NLRP9: variants seen among roughly 807,000 people sequenced by gnomAD.
NLRP9 encodes NLR family pyrin domain containing 9.
In NLRP9, 88 loss-of-function variants were observed where a neutral mutation model predicts 83.1. The observed-to-expected ratio is 1.06, with a 90% CI of 0.89 to 1.26. NLRP9 has a LOEUF of 1.26. Ranked by LOEUF, NLRP9 falls within the 50% of genes most tolerant of loss-of-function variation. The pLI is 0.00. For synonymous variants in NLRP9, 521 were observed against 447.6 expected (o/e 1.16, Z -2.07); for missense variants, 1,308 against 1,179.3 (o/e 1.11, Z -1.60).
In NLRP9 at chr19:55,708,696, ATTT is replaced by A. The variant is rs1987550339; in HGVS notation, c.*213_*215del. The A allele has an allele frequency of 2.6e-6, 1 of 389,658 alleles. No individual in the cohort carries two copies. Among genetic ancestry groups the A allele is most frequent in the African/African-American group, 2.1e-5 (1 of 48,656 alleles). The allele number at this position is 389,658 out of a possible 1,614,324, so 24.1% of individuals were successfully genotyped here. A position where few individuals can be genotyped will look rare whatever the true frequency, so the allele number is the denominator to read the frequency against. On this transcript the variant is annotated 3_prime_UTR_variant, in exon 9 of 9. Coordinates refer to ENST00000332836, the MANE Select transcript of NLRP9 (RefSeq NM_176820.4). ...TCTAAATATCACAAGGCAGGATGGG[ATTT>A]CTAAAGACAAGGGGATATAGGACCG...
At chr19:55,720,052 A>G (rs1338766584) in intron 4 of NLRP9, among the ~76,000 whole-genome samples, 4 of 150,564 alleles carry the variant, frequency 2.7e-5, no homozygotes, top group African/African-American at 1.0e-4. Context: ...TGTGTGGGGG[A>G]AAAAAATCTA....
rs1236540775 is a variant in NLRP9, at chr19:55,724,014, G to C, written c.2125C>G (p.Leu709Val). ...QSDIRHLCET[L>V]KHPMCKIEEL... is the part of the protein sequence containing the mutation. ...TCTATCTTGCACATTGGATGTTTCA[G>C]CGTCTCACACAGGTGTCTGATGTCA... Residue 709 changes from leucine to valine, a missense_variant, in exon 4 of 9, where the codon CTG (leucine) becomes GTG (valine). Leu to Val is a conservative substitution (Grantham distance 32). Coordinates refer to ENST00000332836, the MANE Select transcript of NLRP9 (RefSeq NM_176820.4). 6.2e-7 allele frequency: 1 copy of C among 1,614,030 alleles called. No individual in the cohort carries two copies. Among genetic ancestry groups the C allele is most frequent in the Admixed American group, 1.7e-5 (1 of 59,998 alleles).
chr19:55,732,437 T>A lies in NLRP9; in HGVS notation c.1394A>T (p.Asp465Val). 1 of 1,614,214 alleles carries A rather than the reference T, an allele frequency of 6.2e-7. No individual in the cohort carries two copies. Among genetic ancestry groups the A allele is most frequent in the East Asian group, 2.2e-5 (1 of 44,892 alleles). Residue 465 changes from aspartate to valine, a missense_variant, in exon 2 of 9, where the codon GAT becomes GTT. Asp to Val is a radical substitution (Grantham distance 152, BLOSUM62 -3). Coordinates refer to ENST00000332836, the MANE Select transcript of NLRP9 (RefSeq NM_176820.4). ...TATGCTTCCAATGGCCGGGTTAGGA[T>A]CGTCTTTGGGTCGTTTGAGCAAATA... is the stretch of plus-strand genomic sequence containing the variant. Reference protein sequence around the residue: ...MFYLLKRPKDDPNPAIGSITQ... With the variant: ...MFYLLKRPKDVPNPAIGSITQ...
At chr19:55,716,436 T>G (rs1350816023) in intron 5 of NLRP9, among the ~76,000 whole-genome samples, 3 of 151,824 alleles carry the variant, frequency 2.0e-5, no homozygotes, top group Non-Finnish European at 4.4e-5. Flanking sequence ...TTTTTGTATT[T>G]TTAGTACAGA....
chr19:55,724,059 C>CG lies in NLRP9; in HGVS notation c.2079dup (p.Gly694ArgfsTer3). 6.2e-7 allele frequency: 1 copy of CG among 1,613,624 alleles called. No homozygotes were observed. The highest frequency in any genetic ancestry group is 1.1e-5 in the South Asian group (1 of 91,066). ...ATGTCAGACTGGGAGAGGCTAGTGC[C>CG]GTACAGGCTCAGAAGTTTCAGATGA... On this transcript the variant is annotated frameshift_variant, in exon 4 of 9. Coordinates refer to ENST00000332836, the MANE Select transcript of NLRP9 (RefSeq NM_176820.4). LOFTEE classifies it high-confidence loss of function.
chr19:55,713,074 C>G (rs887770871), intron 6 of NLRP9, among the ~76,000 whole-genome samples: 1 of 150,328 alleles, frequency 6.7e-6, no homozygotes, highest in Non-Finnish European at 1.5e-5. Context: ...TCTCTCCTGC[C>G]TGGCTCTCTT....
chr19:55,738,078 C>T lies in NLRP9; in HGVS notation c.280+17G>A, dbSNP rs565571864. On this transcript the variant is annotated intron_variant, in intron 1 of 8. Transcript: ENST00000332836. ...AGGCTTCCCCCATGGGTCCTCGCCC[C>T]ATCATCCAGCACTTACTTCTCATCT... The T allele has an allele frequency of 6.8e-6, 11 of 1,612,982 alleles. No individual in the cohort carries two copies. The highest frequency in any genetic ancestry group is 6.6e-5 in the South Asian group (6 of 91,024).
chr19:55,727,787 A>G (rs903096784), intron 3 of NLRP9, among the ~76,000 whole-genome samples: 1 of 152,132 alleles, frequency 6.6e-6, no homozygotes, highest in South Asian at 2.1e-4. Context: ...ACGCATCCCC[A>G]TCCATCATGG....
In NLRP9 at chr19:55,709,033, G is replaced by T; in HGVS notation, c.2855C>A (p.Ser952Tyr). 1 of 1,571,164 alleles carries T rather than the reference G, an allele frequency of 6.4e-7. No homozygotes were observed. Among genetic ancestry groups the T allele is most frequent in the South Asian group, 1.2e-5 (1 of 82,014 alleles). ...CTTCTGAGTTTCTTCATCAAAGCCA[G>T]ATTTGTGCAGCCTGGGAAAATAGAA... is the stretch of plus-strand genomic sequence containing the variant. ...CALQMLGLHK[S>Y]GFDEETQKIL... The change falls in exon 9 of 9, where the codon TCT (serine) becomes TAT (tyrosine). Residue 952 changes from serine (S) to tyrosine (Y), a missense_variant. Ser to Tyr is a moderately radical substitution (Grantham distance 144). Coordinates refer to ENST00000332836, the MANE Select transcript of NLRP9 (RefSeq NM_176820.4).
intron 4 of NLRP9, among the ~76,000 whole-genome samples, chr19:55,717,351 A>T (rs1479294963): frequency 6.6e-6 from 1 of 152,154 alleles, no homozygotes; most frequent in Non-Finnish European, 1.5e-5. Context: ...AACTTTTAAG[A>T]AGTGCAAACG....
intron 2 of NLRP9, among the ~76,000 whole-genome samples, chr19:55,730,433 A>C (rs1988538657): frequency 6.6e-6 from 1 of 151,476 alleles, no homozygotes; most frequent in Non-Finnish European, 1.5e-5. Flanking sequence ...AGCTAGGGAA[A>C]CAGAGCTAGA....
In NLRP9 at chr19:55,712,444, G is replaced by A; in HGVS notation, c.2648C>T (p.Pro883Leu). The A allele has an allele frequency of 1.2e-6, 2 of 1,612,690 alleles. No homozygotes were observed. The highest frequency in any genetic ancestry group is 1.7e-6 in the Non-Finnish European group (2 of 1,179,760). The change falls in exon 7 of 9, where the codon CCT (proline) becomes CTT (leucine). Residue 883 changes from proline to leucine, a missense_variant. Transcript: ENST00000332836. ...VRQLCAALQH[P>L]HCKLECLGLQ... The stretch of plus-strand genomic sequence containing the variant: ...CCCGAGACACTCTAATTTACAGTGA[G>A]GATGCTGCAAAGCTGCACATAACTG...
At chr19:55,718,762 C>T (rs1301135815) in intron 4 of NLRP9, among the ~76,000 whole-genome samples, 7 of 152,210 alleles carry the variant, frequency 4.6e-5, no homozygotes, top group East Asian at 3.8e-4. Context: ...GCACGTTAAG[C>T]GTCTGTCCCC....
rs775747959 is a variant in NLRP9, at chr19:55,732,283, T to A, written c.1548A>T (p.Ser516=). ...GGGTTATTTCCTGCTTTAGGTCTTT[T>A]GACAGTGGAAAACCAAAGGAGGTCT... is the stretch of plus-strand genomic sequence containing the variant. The part of the protein sequence containing the change: ...MLETSFGFPL[S]KDLKQEITQC... Residue 516 remains serine, a synonymous_variant, in exon 2 of 9, where the codon TCA becomes TCT. Transcript: ENST00000332836. The A allele has an allele frequency of 3.1e-6, 5 of 1,614,234 alleles. No individual in the cohort carries two copies. Among genetic ancestry groups the A allele is most frequent in the Admixed American group, 1.7e-5 (1 of 60,024 alleles).
At chr19:55,709,079 T>A (rs767965495) in intron 8 of NLRP9, 35 bp from the exon 9 acceptor site, 2 of 1,522,902 alleles carry the variant, frequency 1.3e-6, no homozygotes, top group South Asian at 2.6e-5. Flanking sequence ...TTTTTTTGTT[T>A]TTCATTTTTA....
chr19:55,720,016 G>C lies in NLRP9; in HGVS notation c.2160-3118C>G, dbSNP rs1296688543. 7.9e-5 allele frequency among the ~76,000 whole-genome samples: 12 copies of C among 152,238 alleles called. No individual in the cohort carries two copies. In the East Asian group the frequency reaches 2.1e-3, roughly 27 times the overall value. On this transcript the variant is annotated intron_variant, in intron 4 of 8. Coordinates refer to ENST00000332836, the MANE Select transcript of NLRP9 (RefSeq NM_176820.4). ...GTAAAAGAACAAAAGAAAGAAAACA[G>C]TGAAAGAAAACCTACAATTCTCTGA...
At chr19:55,712,636 T>C (rs1987784391) in intron 6 of NLRP9, 46 bp from the exon 7 acceptor site, 3 of 1,522,594 alleles carry the variant, frequency 2.0e-6, no homozygotes, top group Non-Finnish European at 2.7e-6. Flanking sequence ...ATGAGGTCAA[T>C]CATAACAGCC....
At chr19:55,734,524 C>T (rs985351917) in intron 1 of NLRP9, among the ~76,000 whole-genome samples, 42 of 80,202 alleles carry the variant, frequency 5.2e-4, no homozygotes, top group Non-Finnish European at 9.1e-4. Flanking sequence ...TATACACACA[C>T]ACATATATAT....
At chr19:55,731,363 GAA>G (rs113828486) in intron 2 of NLRP9, among the ~76,000 whole-genome samples, 1 of 135,536 alleles carries the variant, frequency 7.4e-6, no homozygotes. Context: ...TAAAAATGGT[GAA>G]AAAAAAAAAG....
Sources: allele counts gnomAD v4.1 joint callset (sites outside exome capture counted in the v4.1 genomes callset), GRCh38; gene constraint gnomAD v4.1.1; transcripts MANE v1.5; gene names NCBI Gene and HGNC (gene_info 2026-07-23, HGNC 2026-07-21).